Variants in KLHL18 observed in about 807,000 individuals in gnomAD.
KLHL18 encodes the protein kelch like family member 18.
Under a neutral mutation model 58.5 loss-of-function variants are expected in KLHL18, and 38 were observed. That is an observed-to-expected ratio of 0.65 (90% CI 0.50 to 0.85). KLHL18 has a LOEUF of 0.85. KLHL18 is among the 40% of genes least tolerant of loss of function. KLHL18 has a pLI of 0.00. For synonymous variants in KLHL18, 303 were observed against 301.9 expected (o/e 1.00, Z -0.04); for missense variants, 624 against 778.4 (o/e 0.80, Z 2.36).
Position 47,343,795 on chromosome 3 carries a change from T to A in KLHL18, c.1579T>A (p.Tyr527Asn). 1 of 1,614,202 alleles carries A rather than the reference T, an allele frequency of 6.2e-7. No homozygotes were observed. Residue 527 changes from tyrosine to asparagine, a missense_variant, in exon 10 of 10, where the codon TAC (tyrosine) becomes AAC (asparagine). Transcript: ENST00000232766. ...VSLVASCGRLYAVGGYDGQSN... is the reference protein window; with the variant it reads ...VSLVASCGRLNAVGGYDGQSN... Reference sequence around the variant, plus strand: ...CCTGGTGGCCAGCTGTGGGCGCCTCTACGCTGTTGGGGGCTACGACGGACA... The same window carrying A: ...CCTGGTGGCCAGCTGTGGGCGCCTCAACGCTGTTGGGGGCTACGACGGACA...
intron 1 of KLHL18, among the ~76,000 whole-genome samples, chr3:47,312,726 T>G (rs941705681): frequency 6.6e-6 from 1 of 152,114 alleles, no homozygotes; most frequent in African/African-American, 2.4e-5. Context: ...CTCCGCCCCC[T>G]GAGAGGCTAG....
At chr3:47,314,625 G>A (rs939473221) in intron 1 of KLHL18, among the ~76,000 whole-genome samples, 3 of 151,960 alleles carry the variant, frequency 2.0e-5, no homozygotes, top group East Asian at 1.9e-4. Context: ...GAGCCACCGC[G>A]CCCTGCACTT....
chr3:47,340,706 G>A (rs1367466930), intron 8 of KLHL18, 30 bp downstream of exon 8: 1 of 1,612,778 alleles, frequency 6.2e-7, no homozygotes, highest in African/African-American at 1.3e-5. Context: ...TGGGGCAACT[G>A]GAGCTTATAA....
At chr3:47,337,678 G>A (rs1432123733) in intron 7 of KLHL18, 1 of 152,226 alleles carries the variant, frequency 6.6e-6, no homozygotes, top group African/African-American at 2.4e-5. Flanking sequence ...GGAGGGATCT[G>A]CCTTTGTACT....
At chr3:47,305,383 T>G (rs1703123213) in intron 1 of KLHL18, among the ~76,000 whole-genome samples, 1 of 150,736 alleles carries the variant, frequency 6.6e-6, no homozygotes, top group Non-Finnish European at 1.5e-5. Flanking sequence ...TGTCACTTCT[T>G]TTTTCTTGAG....
chr3:47,298,632 A>G (rs1702949013), intron 1 of KLHL18, among the ~76,000 whole-genome samples: 1 of 152,202 alleles, frequency 6.6e-6, no homozygotes. Context: ...GCTCTTGTCA[A>G]GGTTACTAAT....
intron 1 of KLHL18, among the ~76,000 whole-genome samples, chr3:47,286,521 T>C (rs1258557558): frequency 6.6e-6 from 1 of 152,222 alleles, no homozygotes; most frequent in Non-Finnish European, 1.5e-5. Flanking sequence ...CAGTGGTTCT[T>C]AAACTTCAGT....
intron 9 of KLHL18, 98 bp downstream of exon 9, chr3:47,342,928 C>CAT (rs1437887146): frequency 1.1e-6 from 1 of 873,456 alleles, no homozygotes; most frequent in Non-Finnish European, 1.9e-6. Flanking sequence ...CTTGCCACAG[C>CAT]TGAATAAAGT....
intron 1 of KLHL18, among the ~76,000 whole-genome samples, chr3:47,315,198 G>A (rs907912900): frequency 6.6e-6 from 1 of 152,178 alleles, no homozygotes; most frequent in South Asian, 2.1e-4. Context: ...CCTCCCGGGG[G>A]AGAAACTGAG....
At chr3:47,339,684 C>T (rs971255733) in intron 7 of KLHL18, among the ~76,000 whole-genome samples, 3 of 152,110 alleles carry the variant, frequency 2.0e-5, no homozygotes, top group South Asian at 2.1e-4. Context: ...CTGTTACATA[C>T]AGGACATCAT....
chr3:47,284,538 T>C (rs1702621384), intron 1 of KLHL18, among the ~76,000 whole-genome samples: 1 of 151,654 alleles, frequency 6.6e-6, no homozygotes, highest in Non-Finnish European at 1.5e-5. Flanking sequence ...GGTTTCACCA[T>C]GTTGCTCAGG....
chr3:47,319,580 G>C (rs528668317), intron 1 of KLHL18, 73 bp from the exon 2 acceptor site: 2 of 1,537,300 alleles, frequency 1.3e-6, no homozygotes, highest in Non-Finnish European at 1.8e-6. Flanking sequence ...GAGGGGCAGG[G>C]TGGGTTTTTT....
At chr3:47,309,774 G>C (rs1344067758) in intron 1 of KLHL18, among the ~76,000 whole-genome samples, 1 of 152,200 alleles carries the variant, frequency 6.6e-6, no homozygotes, top group Admixed American at 6.5e-5. Flanking sequence ...GAGGCTGGCG[G>C]ATCACTCGCG....
In KLHL18 at chr3:47,334,345, T is replaced by C. The variant is rs1703936087; in HGVS notation, c.762-338T>C. On this transcript the variant is annotated intron_variant, in intron 5 of 9. Coordinates refer to ENST00000232766, the MANE Select transcript of KLHL18 (RefSeq NM_025010.5). The surrounding 1 kb of genome is among the most constrained non-coding windows in gnomAD (Gnocchi z 4.7). ...GCAAGCCACGGTGCAGTCGTAGGGA[T>C]GGAAAGGAAGGGCTAGGTCTGAGTG... is the stretch of plus-strand genomic sequence containing the variant. 1.3e-5 allele frequency among the ~76,000 whole-genome samples: 2 copies of C among 152,044 alleles called. No homozygotes were observed. Among genetic ancestry groups the C allele is most frequent in the African/African-American group, 4.8e-5 (2 of 41,382 alleles).
At chr3:47,294,291 C>T (rs553707391) in intron 1 of KLHL18, among the ~76,000 whole-genome samples, 1 of 152,292 alleles carries the variant, frequency 6.6e-6, no homozygotes, top group East Asian at 1.9e-4. Context: ...TCAGCACCTT[C>T]CATGTGCCAA....
Position 47,343,734 on chromosome 3 carries a change from G to C in KLHL18, c.1518G>C (p.Leu506=), listed in dbSNP as rs535735537. The change falls in exon 10 of 10, where the codon CTG becomes CTC. Residue 506 remains leucine, a synonymous_variant. Transcript: ENST00000232766. The part of the protein sequence containing the change: ...MYSSVADQWC[L]IVPMHTRRSR... ...GCTCTGTGGCAGACCAGTGGTGCCT[G>C]ATTGTCCCCATGCACACGCGCAGGA... is the stretch of plus-strand genomic sequence containing the variant. The C allele has an allele frequency of 1.1e-5, 17 of 1,614,210 alleles. No homozygotes were observed. The African/African-American group carries it at 2.1e-4, about 20-fold the overall frequency.
rs1702947669 is a variant in KLHL18, at chr3:47,298,570, C to T, written c.129+15476C>T. ...ATGAAGATTGCCCCCTTGGTGCAGC[C>T]CATGTTTTAGTAAGGATTAGATAAG... On this transcript the variant is annotated intron_variant, in intron 1 of 9. Transcript: ENST00000232766. Among the ~76,000 whole-genome samples, 5 of 152,156 alleles carry T rather than the reference C, an allele frequency of 3.3e-5. No individual in the cohort carries two copies. In the South Asian group the frequency reaches 1.0e-3, roughly 32 times the overall value.
chr3:47,316,744 C>T (rs866521129), intron 1 of KLHL18, among the ~76,000 whole-genome samples: 2 of 124,306 alleles, frequency 1.6e-5, no homozygotes, highest in African/African-American at 6.9e-5. Flanking sequence ...TACATATATA[C>T]GTATATATGT....
At chr3:47,317,301 A>G (rs768418037) in intron 1 of KLHL18, among the ~76,000 whole-genome samples, 1 of 152,010 alleles carries the variant, frequency 6.6e-6, no homozygotes, top group South Asian at 2.1e-4. Context: ...TTTAGTAGAG[A>G]CGGGGTTTCA....
Sources: gnomAD v4.1 joint callset for allele counts (sites outside exome capture counted in the v4.1 genomes callset) on GRCh38, gnomAD v4.1.1 for gene constraint, Gnocchi (gnomAD v3.1) non-coding constraint, MANE v1.5 for transcripts, NCBI Gene and HGNC (gene_info 2026-07-23, HGNC 2026-07-21) for gene names.